Variants in MYRIP observed in about 807,000 individuals in gnomAD.
MYRIP encodes the protein myosin VIIA and Rab interacting protein, also known as rab effector MyRIP.
In MYRIP, 49 loss-of-function variants were observed where a neutral mutation model predicts 98.0. The observed-to-expected ratio is 0.50, with a 90% confidence interval of 0.40 to 0.63. The LOEUF (loss-of-function observed/expected upper bound fraction) is 0.63, where lower values mean the gene tolerates loss of function less well. Ranked by LOEUF, MYRIP falls within the 30% of genes least tolerant of loss-of-function variation. The pLI is 0.00. For synonymous variants in MYRIP, 404 were observed against 409.5 expected (o/e 0.99, Z 0.16); for missense variants, 1,004 against 1,058.2 (o/e 0.95, Z 0.71).
At chr3:39,826,460 A>C (rs1332174093) in intron 1 of MYRIP, among the ~76,000 whole-genome samples, 1 of 152,044 alleles carries the variant, frequency 6.6e-6, no homozygotes, top group African/African-American at 2.4e-5. Flanking sequence ...GTATATTTGT[A>C]TAGTTTTGAA....
intron 1 of MYRIP, among the ~76,000 whole-genome samples, chr3:39,888,167 A>G (rs1363826961): frequency 7.9e-5 from 12 of 151,914 alleles, no homozygotes; most frequent in South Asian, 4.1e-4. Context: ...TCACAGAATT[A>G]GAAAAAACTA....
intron 1 of MYRIP, among the ~76,000 whole-genome samples, chr3:39,819,672 C>G (rs557695388): frequency 5.3e-4 from 80 of 152,294 alleles, no homozygotes; most frequent in African/African-American, 1.9e-3. Flanking sequence ...CAGACCAGAA[C>G]AGCGTGACAC....
rs550435252 is a variant in MYRIP at position 39,991,066 on chromosome 3, T to C, written c.111-52984T>C. Among the ~76,000 whole-genome samples the C allele has an allele frequency of 1.8e-3, 271 of 152,212 alleles. 3 individuals carry two copies. Among genetic ancestry groups the C allele is most frequent in the Non-Finnish European group, 3.2e-3 (220 of 68,018 alleles). ...CTAATGTAAGTGACAGGTTGATGGG[T>C]GCAACAAACCACCAGGGCACATGTA... On this transcript the variant is annotated intron_variant, in intron 2 of 16. Transcript: ENST00000302541.
At chr3:40,066,084 C>T (rs1020013040) in intron 3 of MYRIP, among the ~76,000 whole-genome samples, 3 of 152,130 alleles carry the variant, frequency 2.0e-5, no homozygotes, top group African/African-American at 7.2e-5. Context: ...TCCTGGAGGC[C>T]ATAATGGAAG....
chr3:40,182,225 C>T lies in MYRIP; in HGVS notation c.879C>T (p.Ser293=), dbSNP rs930943831. 6.2e-7 allele frequency: 1 copy of T among 1,608,348 alleles called. No individual in the cohort carries two copies. The highest frequency in any genetic ancestry group is 8.5e-7 in the Non-Finnish European group (1 of 1,177,306). The part of the protein sequence containing the change: ...GYRAPAALWR[S]QSAFSITGEE... ...CCCCTCTTTCCTTTCCACAGAGGTC[C>T]CAGTCTGCCTTCTCAATCACTGGAG... The change falls in exon 9 of 17, where the codon TCC becomes TCT. Residue 293 remains serine (S), a synonymous_variant. Transcript: ENST00000302541.
At chr3:39,974,745 A>C (rs1575427948) in intron 2 of MYRIP, among the ~76,000 whole-genome samples, 2 of 152,226 alleles carry the variant, frequency 1.3e-5, no homozygotes, top group Non-Finnish European at 2.9e-5. Flanking sequence ...CTGGTTCAAC[A>C]TATGCAAATC....
Position 40,244,509 on chromosome 3 carries a change from G to T in MYRIP, c.2164G>T (p.Ala722Ser), listed in dbSNP as rs1263137242. The change falls in exon 13 of 17, where the codon GCC (alanine) becomes TCC (serine). Residue 722 changes from alanine (A) to serine (S), a missense_variant. Transcript: ENST00000302541. Reference sequence around the variant, plus strand: ...CCAGCTGACTGAGCTAGAAGATGCCGCCCGCTGCATCCACAGTGGCACTGA... The same window carrying T: ...CCAGCTGACTGAGCTAGAAGATGCCTCCCGCTGCATCCACAGTGGCACTGA... ...ETQLTELEDA[A>S]RCIHSGTDET... 24 of 1,613,752 alleles carry T rather than the reference G, an allele frequency of 1.5e-5. No homozygotes were observed. The highest frequency in any genetic ancestry group is 2.2e-5 in the South Asian group (2 of 91,052).
At chr3:39,879,021 G>A (rs1476008290) in intron 1 of MYRIP, among the ~76,000 whole-genome samples, 2 of 151,580 alleles carry the variant, frequency 1.3e-5, no homozygotes, top group South Asian at 2.1e-4. Flanking sequence ...AGCCAAGATC[G>A]CACCACTGCA....
intron 3 of MYRIP, among the ~76,000 whole-genome samples, chr3:40,053,200 T>G (rs1366825214): frequency 1.3e-5 from 2 of 152,152 alleles, no homozygotes; most frequent in South Asian, 4.1e-4. Flanking sequence ...TGCCCCACTT[T>G]AAGCCACAGG....
intron 11 of MYRIP, among the ~76,000 whole-genome samples, chr3:40,220,321 C>T (rs1471274082): frequency 2.6e-5 from 4 of 152,132 alleles, no homozygotes; most frequent in African/African-American, 2.4e-5. Flanking sequence ...TTTTGCTGTG[C>T]AGAAGCTGTT....
At chr3:40,113,038 G>A (rs1949193214) in intron 3 of MYRIP, among the ~76,000 whole-genome samples, 1 of 152,208 alleles carries the variant, frequency 6.6e-6, no homozygotes, top group Admixed American at 6.5e-5. Context: ...AGTCCAGACT[G>A]TATTAAGAAC....
chr3:39,860,975 C>A (rs369362909), intron 1 of MYRIP, among the ~76,000 whole-genome samples: 1 of 152,254 alleles, frequency 6.6e-6, no homozygotes, highest in Admixed American at 6.5e-5. Context: ...TCTGCCAATG[C>A]CCTGTCTCAG....
chr3:40,082,236 C>T (rs115452169), intron 3 of MYRIP, among the ~76,000 whole-genome samples: 246 of 152,280 alleles, frequency 1.6e-3, no homozygotes, highest in African/African-American at 5.6e-3. Flanking sequence ...TCAGCAATTC[C>T]ACTTCTGGAT....
chr3:39,871,615 G>A (rs1463316246), intron 1 of MYRIP, among the ~76,000 whole-genome samples: 2 of 152,010 alleles, frequency 1.3e-5, no homozygotes, highest in Admixed American at 6.6e-5. Context: ...AACTATAAAA[G>A]GGTTCTTGAG....
chr3:39,866,566 G>A (rs1487335318), intron 1 of MYRIP, among the ~76,000 whole-genome samples: 6 of 152,048 alleles, frequency 3.9e-5, no homozygotes, highest in Non-Finnish European at 8.8e-5. Flanking sequence ...CACCTCCCGG[G>A]TTCAAGTGAT....
intron 3 of MYRIP, among the ~76,000 whole-genome samples, chr3:40,111,697 G>A (rs1034053619): frequency 6.6e-6 from 1 of 151,846 alleles, no homozygotes; most frequent in African/African-American, 2.4e-5. Flanking sequence ...CGATAAGATG[G>A]TTCAGCTTTT....
chr3:40,156,961 C>G (rs1950257660), intron 4 of MYRIP, among the ~76,000 whole-genome samples: 1 of 152,160 alleles, frequency 6.6e-6, no homozygotes, highest in African/African-American at 2.4e-5. Context: ...TTGACTTCCT[C>G]TTTTACTAAT....
chr3:39,823,373 G>A (rs1311356587), intron 1 of MYRIP, among the ~76,000 whole-genome samples: 1 of 152,202 alleles, frequency 6.6e-6, no homozygotes, highest in Non-Finnish European at 1.5e-5. Flanking sequence ...TAGCCCAGTA[G>A]TGAGATTGCT....
At chr3:39,863,702 A>G (rs566877593) in intron 1 of MYRIP, among the ~76,000 whole-genome samples, 1 of 152,318 alleles carries the variant, frequency 6.6e-6, no homozygotes, top group Admixed American at 6.5e-5. Flanking sequence ...GCTCAGGACC[A>G]GATGGATTCA....
Sources: gnomAD v4.1 joint callset for allele counts (sites outside exome capture counted in the v4.1 genomes callset) on GRCh38, gnomAD v4.1.1 for gene constraint, MANE v1.5 for transcripts, NCBI Gene and HGNC (gene_info 2026-07-23, HGNC 2026-07-21) for gene names.